The following CCDC144A variants were observed in gnomAD, a reference collection of about 807,000 sequenced individuals.
CCDC144A encodes the protein coiled-coil domain-containing protein 144A.
Under a neutral mutation model 143.8 loss-of-function variants are expected in CCDC144A, and 41 were observed. That is an observed-to-expected ratio of 0.29 (90% CI 0.22 to 0.37). The LOEUF is 0.37. CCDC144A is among the 10% of genes least tolerant of loss of function. The pLI, the probability that CCDC144A is intolerant of heterozygous loss-of-function variation, is 1.00. For synonymous variants in CCDC144A, 242 were observed against 517.9 expected, an observed-to-expected ratio of 0.47 and a Z score of 7.23; for missense variants, 637 against 1,488.8, an observed-to-expected ratio of 0.43 and a Z score of 9.41.
chr17:16,703,006 GT>G (rs894759617), intron 2 of CCDC144A, among the ~76,000 whole-genome samples: 4 of 152,156 alleles, frequency 2.6e-5, no homozygotes, highest in African/African-American at 9.7e-5. Context: ...GTGTGTGTGT[GT>G]TTTGATTATC....
intron 8 of CCDC144A, among the ~76,000 whole-genome samples, chr17:16,722,055 A>G (rs1210023566): frequency 6.6e-6 from 1 of 152,130 alleles, no homozygotes; most frequent in South Asian, 2.1e-4. Context: ...TCATCATGAC[A>G]CATGTTAGTT....
chr17:16,684,374 G>A, the CCDC144A span: 4 of 605,650 alleles, frequency 6.6e-6, no homozygotes, highest in Non-Finnish European at 1.2e-5. Flanking sequence ...ACATATTTGA[G>A]GCTGGGCGCG....
chr17:16,746,683 G>T (rs1165744198), intron 12 of CCDC144A: 1 of 1,610,738 alleles, frequency 6.2e-7, no homozygotes, highest in African/African-American at 1.4e-5. Context: ...ACTCGAAGTA[G>T]TCGTGTGCTG....
At position 16,763,673 on chromosome 17, in the gene CCDC144A, A is replaced by G. The variant is rs1280591211; in HGVS notation, c.3888-292A>G. 3.3e-5 allele frequency among the ~76,000 whole-genome samples: 5 copies of G among 152,206 alleles called. No individual in the cohort carries two copies. The South Asian group carries it at 8.3e-4, about 25-fold the overall frequency. ...TAAGTAGAGTCATTCCAGATGGGCAACAAGTGTTAACTATGAAGCCATACA... is the reference window on the plus strand; with the variant it reads ...TAAGTAGAGTCATTCCAGATGGGCAGCAAGTGTTAACTATGAAGCCATACA... On this transcript the variant is annotated intron_variant, in intron 14 of 16. Transcript: ENST00000399273.
At chr17:16,672,042 T>G in the CCDC144A span, among the ~76,000 whole-genome samples, 1 of 152,090 alleles carries the variant, frequency 6.6e-6, no homozygotes, top group African/African-American at 2.4e-5. Context: ...TTTCATGAGT[T>G]ACCGTTTTGT....
intron 12 of CCDC144A, among the ~76,000 whole-genome samples, chr17:16,748,761 C>T (rs1201307812): frequency 6.6e-6 from 1 of 152,160 alleles, no homozygotes; most frequent in African/African-American, 2.4e-5. Context: ...GATTCAATTT[C>T]AGAGCTTGTT....
the CCDC144A span, among the ~76,000 whole-genome samples, chr17:16,678,755 T>G: frequency 4.1e-5 from 6 of 145,908 alleles, no homozygotes; most frequent in South Asian, 4.5e-4. Flanking sequence ...TAATTTGTTT[T>G]TTTTTTTTTT....
At chr17:16,756,419 T>C (rs533312567) in intron 12 of CCDC144A, among the ~76,000 whole-genome samples, 2 of 151,968 alleles carry the variant, frequency 1.3e-5, no homozygotes, top group South Asian at 4.2e-4. Flanking sequence ...GTTGTTTTTA[T>C]TTTATGTATT....
Position 16,773,502 on chromosome 17 carries a change from A to G in CCDC144A, c.4147A>G (p.Thr1383Ala), listed in dbSNP as rs773869280. ...ATTCTTGCTTTTTTTTTCAGCTGCT[A>G]CTAAATATGAACCTGGATCCTATAT... Reference protein sequence around the residue: ...NDLTAEVAAATKYEPGSYIAS... With the variant: ...NDLTAEVAAAAKYEPGSYIAS... Residue 1383 changes from threonine (T) to alanine (A), a missense_variant, in exon 17 of 17, where the codon ACT (threonine) becomes GCT (alanine). By Grantham distance (58) the Thr-to-Ala change is moderately conservative (BLOSUM62 0). Coordinates refer to ENST00000399273, the MANE Select transcript of CCDC144A (RefSeq NM_001382000.1). 11 of 1,540,550 alleles carry G rather than the reference A, an allele frequency of 7.1e-6. No homozygotes were observed. The highest frequency in any genetic ancestry group is 9.6e-6 in the Non-Finnish European group (11 of 1,142,234).
chr17:16,754,047 T>C (rs1156838407), intron 12 of CCDC144A, among the ~76,000 whole-genome samples: 4 of 152,232 alleles, frequency 2.6e-5, no homozygotes, highest in Non-Finnish European at 5.9e-5. Flanking sequence ...TTCTTCTTGG[T>C]TCATTCTTGC....
chr17:16,751,303 C>T (rs1914779053), intron 12 of CCDC144A, among the ~76,000 whole-genome samples: 1 of 151,996 alleles, frequency 6.6e-6, no homozygotes, highest in Non-Finnish European at 1.5e-5. Context: ...CAGGACTCTA[C>T]ACAGGTTCCT....
chr17:16,717,695 G>A (rs1160707109), intron 6 of CCDC144A, among the ~76,000 whole-genome samples: 2 of 152,002 alleles, frequency 1.3e-5, no homozygotes, highest in Non-Finnish European at 2.9e-5. Flanking sequence ...TTTTGAGGCA[G>A]GAAATATATA....
chr17:16,702,053 A>T (rs1444252772), intron 2 of CCDC144A, among the ~76,000 whole-genome samples: 1 of 152,184 alleles, frequency 6.6e-6, no homozygotes, highest in South Asian at 2.1e-4. Flanking sequence ...ATATTATTAT[A>T]ATATGGCTCA....
At chr17:16,730,820 G>A (rs1913704937) in intron 9 of CCDC144A, among the ~76,000 whole-genome samples, 1 of 142,420 alleles carries the variant, frequency 7.0e-6, no homozygotes, top group Admixed American at 6.9e-5. Flanking sequence ...GTTTACTAGT[G>A]CTCCTGATTT....
At position 16,745,959 on chromosome 17, in the gene CCDC144A, C is replaced by T. The variant is rs552609505; in HGVS notation, c.3372+10316C>T. The stretch of plus-strand genomic sequence containing the variant: ...GTCAGGCTCGTGGTGAGCTCTGTGC[C>T]TCCTGCCGTCATCCACATGGTGTCT... On this transcript the variant is annotated intron_variant, in intron 12 of 16. Coordinates refer to ENST00000399273, the MANE Select transcript of CCDC144A (RefSeq NM_001382000.1). 77 of 1,607,050 alleles carry T rather than the reference C, an allele frequency of 4.8e-5. No individual in the cohort carries two copies. The African/African-American group carries it at 9.5e-4, about 20-fold the overall frequency.
intron 5 of CCDC144A, among the ~76,000 whole-genome samples, chr17:16,710,979 C>T (rs1279029775): frequency 6.8e-6 from 1 of 146,226 alleles, no homozygotes; most frequent in Non-Finnish European, 1.5e-5. Context: ...GTATATCCTC[C>T]AGCTATAAAC....
rs1232958229 is a variant in CCDC144A, at chr17:16,756,679, G to C, written c.3373-4746G>C. ...TGGAGAATTACTCTGTTCCTTTGGAGGTGTCATGTTTCTTTGATTTTTCAT... is the reference window on the plus strand; with the variant it reads ...TGGAGAATTACTCTGTTCCTTTGGACGTGTCATGTTTCTTTGATTTTTCAT... On this transcript the variant is annotated intron_variant, in intron 12 of 16. Coordinates refer to ENST00000399273, the MANE Select transcript of CCDC144A (RefSeq NM_001382000.1). Among the ~76,000 whole-genome samples, 6 of 150,906 alleles carry C rather than the reference G, an allele frequency of 4.0e-5. No individual in the cohort carries two copies. In the East Asian group the frequency reaches 1.2e-3, roughly 29 times the overall value.
chr17:16,696,319 T>A, intron 2 of CCDC144A, among the ~76,000 whole-genome samples: 1 of 150,184 alleles, frequency 6.7e-6, no homozygotes, highest in Non-Finnish European at 1.5e-5. Flanking sequence ...CTGCCCAGAC[T>A]TTTTAATACT....
At chr17:16,751,217 T>A (rs2143317359) in intron 12 of CCDC144A, among the ~76,000 whole-genome samples, 1 of 152,304 alleles carries the variant, frequency 6.6e-6, no homozygotes, top group African/African-American at 2.4e-5. Context: ...TTTATGTTCT[T>A]TTTTTTCTCT....
Sources: allele counts gnomAD v4.1 joint callset (sites outside exome capture counted in the v4.1 genomes callset), GRCh38; gene constraint gnomAD v4.1.1; transcripts MANE v1.5; gene names NCBI Gene and HGNC (gene_info 2026-07-23, HGNC 2026-07-21).